The following NRG1 variants were observed in gnomAD, a reference collection of about 807,000 sequenced individuals.
NRG1 encodes neuregulin 1.
Under a neutral mutation model 63.8 loss-of-function variants are expected in NRG1, and 18 were observed. That is an observed-to-expected ratio of 0.28 (90% confidence interval 0.19 to 0.42). NRG1 has a LOEUF of 0.42. Among genes scored for constraint, NRG1 ranks in the 10% least tolerant of loss-of-function variants. NRG1 has a pLI of 1.00. For missense variants in NRG1, 762 were observed against 814.7 expected, an observed-to-expected ratio of 0.94 and a Z score of 0.79; for synonymous variants, 302 against 301.3, an observed-to-expected ratio of 1.00 and a Z score of -0.02.
upstream of NRG1, among the ~76,000 whole-genome samples, chr8:32,546,292 A>G (rs1438016934): frequency 7.3e-6 from 1 of 137,268 alleles, no homozygotes; most frequent in African/African-American, 2.7e-5. Context: ...TTTCCATAGA[A>G]ATGGATTTTG....
intron 1 of NRG1, among the ~76,000 whole-genome samples, chr8:31,747,699 G>C (rs1287827618): frequency 6.6e-6 from 1 of 151,818 alleles, no homozygotes; most frequent in African/African-American, 2.4e-5. Flanking sequence ...GCTTTATTAG[G>C]CTTCCACTTC....
intron 1 of NRG1, among the ~76,000 whole-genome samples, chr8:31,670,468 A>G (rs1263579416): frequency 1.3e-5 from 2 of 152,192 alleles, no homozygotes; most frequent in Non-Finnish European, 2.9e-5. Flanking sequence ...TAATCACATT[A>G]TCTATGTATC....
At chr8:31,700,422 T>C (rs936488422) in intron 1 of NRG1, among the ~76,000 whole-genome samples, 2 of 152,200 alleles carry the variant, frequency 1.3e-5, no homozygotes, top group African/African-American at 2.4e-5. Flanking sequence ...GGATGGTTTG[T>C]GTGGAGCTGG....
At chr8:31,792,783 C>A (rs1965366) in intron 1 of NRG1, among the ~76,000 whole-genome samples, 147,258 of 152,266 alleles carry the variant, frequency 0.97, 71,385 homozygotes, top group East Asian at 1. Flanking sequence ...GAACATGCCA[C>A]ATGTTCACAG....
At chr8:31,930,001 T>G (rs1834734906) in intron 1 of NRG1, among the ~76,000 whole-genome samples, 1 of 152,220 alleles carries the variant, frequency 6.6e-6, no homozygotes, top group Admixed American at 6.5e-5. Flanking sequence ...GCAGTATGCC[T>G]TGGACATTCT....
chr8:32,503,024 G>C (rs755098927), intron 1 of NRG1, among the ~76,000 whole-genome samples: 2 of 152,010 alleles, frequency 1.3e-5, no homozygotes, highest in Middle Eastern at 3.2e-3. Flanking sequence ...AGTGGCTCAC[G>C]CCTGTAATCC....
intron 1 of NRG1, among the ~76,000 whole-genome samples, chr8:31,832,009 C>T (rs550956955): frequency 7.9e-5 from 12 of 152,284 alleles, no homozygotes; most frequent in South Asian, 4.1e-4. Flanking sequence ...CACCTTAGCA[C>T]GTCTGTACAC....
At chr8:32,090,600 C>T (rs1186388013) in intron 1 of NRG1, among the ~76,000 whole-genome samples, 3 of 152,138 alleles carry the variant, frequency 2.0e-5, no homozygotes, top group Admixed American at 6.5e-5. Flanking sequence ...AGATTACAGG[C>T]GTGAGCCACT....
At chr8:32,248,083 T>G (rs772950811) in intron 1 of NRG1, among the ~76,000 whole-genome samples, 94 of 152,248 alleles carry the variant, frequency 6.2e-4, no homozygotes, top group Non-Finnish European at 1.2e-3. Context: ...TCCTACACAT[T>G]AACAACTAGC....
intron 1 of NRG1, among the ~76,000 whole-genome samples, chr8:31,806,762 A>G (rs1301637417): frequency 6.6e-6 from 1 of 152,180 alleles, no homozygotes; most frequent in African/African-American, 2.4e-5. Flanking sequence ...GGTTTCAATA[A>G]TCAAGTAAAT....
At chr8:31,851,634 T>C (rs916962727) in intron 1 of NRG1, among the ~76,000 whole-genome samples, 1 of 152,004 alleles carries the variant, frequency 6.6e-6, no homozygotes, top group Non-Finnish European at 1.5e-5. Context: ...ATACTTTAAG[T>C]TTTAGGGTAC....
chr8:31,893,093 G>T (rs1329462959), intron 1 of NRG1, among the ~76,000 whole-genome samples: 3 of 151,264 alleles, frequency 2.0e-5, no homozygotes, highest in Non-Finnish European at 4.4e-5. Flanking sequence ...CTACGTATGA[G>T]AGTGTATGTA....
intron 1 of NRG1, among the ~76,000 whole-genome samples, chr8:32,304,395 G>T (rs1350938448): frequency 6.6e-6 from 1 of 152,148 alleles, no homozygotes; most frequent in Non-Finnish European, 1.5e-5. Flanking sequence ...TATGTAATTT[G>T]AAAACTCCAA....
At chr8:32,095,112 A>G (rs899285863) in intron 1 of NRG1, among the ~76,000 whole-genome samples, 3 of 151,950 alleles carry the variant, frequency 2.0e-5, no homozygotes, top group Non-Finnish European at 4.4e-5. Context: ...GGGTTTCACC[A>G]TGTTGGCCAG....
chr8:32,330,443 G>C (rs1404985800), intron 1 of NRG1, among the ~76,000 whole-genome samples: 2 of 152,154 alleles, frequency 1.3e-5, no homozygotes, highest in East Asian at 3.9e-4. Flanking sequence ...AGGTTTATTG[G>C]GGAGTGTTCT....
intron 1 of NRG1, among the ~76,000 whole-genome samples, chr8:31,734,171 T>TA (rs920574523): frequency 1.3e-5 from 2 of 151,360 alleles, no homozygotes; most frequent in Admixed American, 6.6e-5. Context: ...TACAAAAAAT[T>TA]AAAAAAAAGC....
At chr8:32,646,721 C>T (rs1761523144) in intron 5 of NRG1, 1 of 985,192 alleles carries the variant, frequency 1.0e-6, no homozygotes, top group African/African-American at 1.7e-5. Flanking sequence ...GGGTGGGGGC[C>T]ATGGGGACTA....
intron 1 of NRG1, among the ~76,000 whole-genome samples, chr8:32,087,824 C>T (rs1828507236): frequency 6.6e-6 from 1 of 152,162 alleles, no homozygotes; most frequent in Non-Finnish European, 1.5e-5. Context: ...TGAAATCATG[C>T]AGCATTTGTC....
chr8:32,039,054 T>A (rs1819521032), intron 1 of NRG1, among the ~76,000 whole-genome samples: 1 of 152,148 alleles, frequency 6.6e-6, no homozygotes, highest in South Asian at 2.1e-4. Flanking sequence ...AATTCTGGGA[T>A]GTTTGTTTTG....
Sources: allele counts gnomAD v4.1 joint callset (sites outside exome capture counted in the v4.1 genomes callset), GRCh38; gene constraint gnomAD v4.1.1; transcripts MANE v1.5; gene names NCBI Gene and HGNC (gene_info 2026-07-23, HGNC 2026-07-21).